Variants in GPC5 observed in about 807,000 individuals in gnomAD.
The protein encoded by GPC5 is glypican-5.
GPC5 carries 47 observed loss-of-function variants against 53.9 expected under a neutral mutation model. That is an observed-to-expected ratio of 0.87 (90% CI 0.69 to 1.11). The LOEUF (loss-of-function observed/expected upper bound fraction) is 1.11, where lower values mean the gene tolerates loss of function less well. Ranked by LOEUF, GPC5 falls within the 50% of genes most tolerant of loss-of-function variation. The pLI is 0.00. For synonymous variants in GPC5, 286 were observed against 263.3 expected, an observed-to-expected ratio of 1.09 and a Z score of -0.84; for missense variants, 748 against 713.1, an observed-to-expected ratio of 1.05 and a Z score of -0.56.
At chr13:92,393,955 T>A (rs1875140535) in intron 7 of GPC5, among the ~76,000 whole-genome samples, 1 of 152,192 alleles carries the variant, frequency 6.6e-6, no homozygotes, top group African/African-American at 2.4e-5. Context: ...TCAGATGAAC[T>A]TTGTTGGTAT....
intron 7 of GPC5, among the ~76,000 whole-genome samples, chr13:92,463,039 A>C (rs1234505428): frequency 1.3e-5 from 2 of 152,148 alleles, no homozygotes. Context: ...GCAGTGCCAG[A>C]ATAAGGCACA....
At chr13:91,963,377 C>T (rs1397044585) in intron 6 of GPC5, among the ~76,000 whole-genome samples, 3 of 152,102 alleles carry the variant, frequency 2.0e-5, no homozygotes, top group African/African-American at 7.2e-5. Flanking sequence ...CAAAAATTTG[C>T]ACATATTTCT....
chr13:92,829,000 A>G (rs1312146853), intron 7 of GPC5, among the ~76,000 whole-genome samples: 1 of 152,182 alleles, frequency 6.6e-6, no homozygotes, highest in African/African-American at 2.4e-5. Context: ...TAAATCCACA[A>G]AAATAAACCA....
intron 6 of GPC5, among the ~76,000 whole-genome samples, chr13:91,918,224 A>C (rs2039678646): frequency 6.6e-6 from 1 of 152,154 alleles, no homozygotes; most frequent in Admixed American, 6.5e-5. Flanking sequence ...TCACAAGAAC[A>C]GCATAAGGGA....
intron 6 of GPC5, among the ~76,000 whole-genome samples, chr13:91,953,612 A>G (rs2040047190): frequency 1.3e-5 from 2 of 152,230 alleles, no homozygotes; most frequent in African/African-American, 4.8e-5. Flanking sequence ...GGGCTGCTAT[A>G]ATAAAATACA....
intron 2 of GPC5, among the ~76,000 whole-genome samples, chr13:91,599,573 TAAAA>T (rs1313861794): frequency 6.6e-6 from 1 of 152,118 alleles, no homozygotes; most frequent in East Asian, 1.9e-4. Context: ...ATACTATAAT[TAAAA>T]AAATATACAT....
At chr13:92,367,818 A>G (rs1004719436) in intron 7 of GPC5, among the ~76,000 whole-genome samples, 1 of 152,186 alleles carries the variant, frequency 6.6e-6, no homozygotes, top group African/African-American at 2.4e-5. Context: ...AATGAAATAT[A>G]AAAAATTGGA....
In GPC5 at chr13:92,032,303, T is replaced by C. The variant is rs560046645; in HGVS notation, c.1402-112527T>C. On this transcript the variant is annotated intron_variant, in intron 6 of 7. Transcript: ENST00000377067. ...GACTCCGGGGAAAGGGTGACAGGGG[T>C]TAGGGATAAAAGACTACAAATTGAG... 2.0e-5 allele frequency among the ~76,000 whole-genome samples: 3 copies of C among 150,618 alleles called. No homozygotes were observed. In the South Asian group the frequency reaches 6.3e-4, roughly 31 times the overall value.
At chr13:92,070,224 A>G (rs1755197590) in intron 6 of GPC5, among the ~76,000 whole-genome samples, 2 of 152,176 alleles carry the variant, frequency 1.3e-5, no homozygotes, top group South Asian at 4.1e-4. Flanking sequence ...CTACCTACAC[A>G]AGGAACTAAG....
At chr13:91,472,300 T>C (rs962748324) in intron 2 of GPC5, among the ~76,000 whole-genome samples, 6 of 152,292 alleles carry the variant, frequency 3.9e-5, no homozygotes, top group Admixed American at 3.9e-4. Context: ...TGATCTTTTA[T>C]TCTCTGTTTT....
At chr13:91,511,739 C>T (rs1885240535) in intron 2 of GPC5, among the ~76,000 whole-genome samples, 1 of 151,742 alleles carries the variant, frequency 6.6e-6, no homozygotes, top group Non-Finnish European at 1.5e-5. Flanking sequence ...TAAAATTTCC[C>T]ATCTCTTCAT....
intron 2 of GPC5, among the ~76,000 whole-genome samples, chr13:91,595,486 A>T (rs1389492042): frequency 6.6e-6 from 1 of 152,124 alleles, no homozygotes; most frequent in Admixed American, 6.5e-5. Context: ...CTTGTGAATT[A>T]TTCAGACATA....
At chr13:92,643,381 A>T (rs1885658067) in intron 7 of GPC5, among the ~76,000 whole-genome samples, 2 of 151,976 alleles carry the variant, frequency 1.3e-5, no homozygotes, top group South Asian at 4.2e-4. Flanking sequence ...TACTGGGTAT[A>T]TACCCAAATG....
intron 7 of GPC5, among the ~76,000 whole-genome samples, chr13:92,233,815 C>A (rs951468153): frequency 2.0e-5 from 3 of 152,176 alleles, no homozygotes; most frequent in South Asian, 2.1e-4. Flanking sequence ...CCACTCCCCC[C>A]ACCCCACAAC....
chr13:92,003,872 T>C (rs937537198), intron 6 of GPC5, among the ~76,000 whole-genome samples: 3 of 152,146 alleles, frequency 2.0e-5, no homozygotes, highest in Non-Finnish European at 4.4e-5. Flanking sequence ...GAGAGAAGAT[T>C]AAAATCACTA....
chr13:92,499,637 C>T (rs1880108224), intron 7 of GPC5, among the ~76,000 whole-genome samples: 2 of 152,094 alleles, frequency 1.3e-5, no homozygotes, highest in African/African-American at 4.8e-5. Context: ...TCATAACTAG[C>T]TACCAAAGAG....
chr13:92,066,570 G>A (rs1412211158), intron 6 of GPC5, among the ~76,000 whole-genome samples: 2 of 151,994 alleles, frequency 1.3e-5, no homozygotes, highest in Non-Finnish European at 2.9e-5. Flanking sequence ...CATTATATTC[G>A]TTGTTTCTGT....
intron 2 of GPC5, among the ~76,000 whole-genome samples, chr13:91,619,299 G>C (rs1255736152): frequency 6.6e-6 from 1 of 151,968 alleles, no homozygotes; most frequent in Non-Finnish European, 1.5e-5. Flanking sequence ...ACATGTCCAA[G>C]ACCCATTTAT....
intron 1 of GPC5, among the ~76,000 whole-genome samples, chr13:91,403,875 T>C (rs1877130476): frequency 6.6e-6 from 1 of 151,408 alleles, no homozygotes; most frequent in South Asian, 2.1e-4. Context: ...CCTCATGGGG[T>C]TAATTATAAC....
Sources: allele counts gnomAD v4.1 joint callset (sites outside exome capture counted in the v4.1 genomes callset), GRCh38; gene constraint gnomAD v4.1.1; transcripts MANE v1.5; gene names NCBI Gene and HGNC (gene_info 2026-07-23, HGNC 2026-07-21).